Variants in SYT2 observed in about 807,000 individuals in gnomAD.
The protein encoded by SYT2 is synaptotagmin-2.
A neutral mutation model predicts 39.9 loss-of-function variants in SYT2; 15 were observed. The ratio of observed to expected loss-of-function variants is 0.38; its 90% CI spans 0.25 to 0.58. SYT2 has a LOEUF of 0.58. SYT2 is among the 20% of genes least tolerant of loss of function. The probability of loss-of-function intolerance (pLI) is 0.70; values close to 1 mark genes in which losing one functional copy is unlikely to be tolerated. For synonymous variants in SYT2, 181 were observed against 204.5 expected, an observed-to-expected ratio of 0.89 and a Z score of 0.98; for missense variants, 389 against 530.3, an observed-to-expected ratio of 0.73 and a Z score of 2.62.
chr1:202,655,816 G>A (rs1209400468), intron 1 of SYT2, among the ~76,000 whole-genome samples: 1 of 152,034 alleles, frequency 6.6e-6, no homozygotes, highest in African/African-American at 2.4e-5. Context: ...CAGAAGATGT[G>A]GATCTCTGAT....
At chr1:202,640,775 AGAGAGAGAG>A (rs1691889824) in intron 1 of SYT2, among the ~76,000 whole-genome samples, 2 of 150,118 alleles carry the variant, frequency 1.3e-5, no homozygotes, top group Non-Finnish European at 3.0e-5. Flanking sequence ...AGAGAGAGAG[AGAGAGAGAG>A]AGAGAGAGAC....
At chr1:202,680,403 A>G (rs1055543986) in intron 1 of SYT2, among the ~76,000 whole-genome samples, 1 of 152,180 alleles carries the variant, frequency 6.6e-6, no homozygotes, top group Non-Finnish European at 1.5e-5. Context: ...TTGGCCAGGT[A>G]TGGAGGCTCA....
rs1553338281 is a variant in SYT2 at position 202,629,871 on chromosome 1, G to GGC, written c.-17-24083_-17-24082insGC. On this transcript the variant is annotated intron_variant, in intron 1 of 8. Coordinates refer to ENST00000367268, the MANE Select transcript of SYT2 (RefSeq NM_177402.5). ...CCATACCCAGCAGGCAGCTGGTGGG[G>GGC]GGGGGGGGGTGGTACGGCAGGTGTG... 6.4e-5 allele frequency among the ~76,000 whole-genome samples: 8 copies of GGC among 124,912 alleles called. 2 individuals carry two copies. Among genetic ancestry groups the GGC allele is most frequent in the Non-Finnish European group, 1.8e-5 (1 of 55,938 alleles). 81.9% of individuals were successfully genotyped at this position (124,912 alleles called of 152,430 possible).
chr1:202,673,564 C>T (rs1179802276), intron 1 of SYT2, among the ~76,000 whole-genome samples: 33 of 152,204 alleles, frequency 2.2e-4, no homozygotes, highest in Admixed American at 2.2e-3. Context: ...TCACCCACAT[C>T]CTTAGGTCCC....
chr1:202,615,267 C>G (rs986384598), intron 1 of SYT2, among the ~76,000 whole-genome samples: 1 of 152,176 alleles, frequency 6.6e-6, no homozygotes, highest in East Asian at 1.9e-4. Context: ...TAGAAGATGC[C>G]TGAGGAGGCT....
chr1:202,634,895 G>A (rs894204750), intron 1 of SYT2, among the ~76,000 whole-genome samples: 1 of 152,136 alleles, frequency 6.6e-6, no homozygotes, highest in Non-Finnish European at 1.5e-5. Context: ...AGAATCGAGG[G>A]TGACTGTTAA....
At chr1:202,682,219 C>T (rs565773910) in intron 1 of SYT2, among the ~76,000 whole-genome samples, 2 of 152,172 alleles carry the variant, frequency 1.3e-5, no homozygotes, top group Non-Finnish European at 2.9e-5. Flanking sequence ...CAAGGGAGCA[C>T]GTTGGCTGAC....
chr1:202,643,795 C>A (rs1475781149), intron 1 of SYT2, among the ~76,000 whole-genome samples: 3 of 152,102 alleles, frequency 2.0e-5, no homozygotes, highest in Non-Finnish European at 2.9e-5. Flanking sequence ...CGGCTCCGAG[C>A]CCCCGGAGCC....
intron 1 of SYT2, among the ~76,000 whole-genome samples, chr1:202,659,254 G>T (rs577740706): frequency 2.0e-5 from 3 of 152,098 alleles, no homozygotes; most frequent in Non-Finnish European, 4.4e-5. Flanking sequence ...TCTGATCTTG[G>T]GTTTCATTTT....
At chr1:202,629,781 A>G (rs1478781369) in intron 1 of SYT2, among the ~76,000 whole-genome samples, 1 of 148,350 alleles carries the variant, frequency 6.7e-6, no homozygotes, top group Non-Finnish European at 1.5e-5. Context: ...AGGTGGGAGA[A>G]TCACTGGAGC....
chr1:202,695,196 ACAAG>A (rs1186700830), intron 1 of SYT2, among the ~76,000 whole-genome samples: 1 of 152,210 alleles, frequency 6.6e-6, no homozygotes, highest in Non-Finnish European at 1.5e-5. Context: ...GCAGACAGAC[ACAAG>A]CATTAATGCA....
intron 1 of SYT2, among the ~76,000 whole-genome samples, chr1:202,611,217 T>G (rs1393042102): frequency 2.0e-5 from 3 of 152,264 alleles, no homozygotes; most frequent in Non-Finnish European, 4.4e-5. Context: ...TTGGTCATCT[T>G]AAAATATTTT....
At chr1:202,596,990 G>A (rs1690321724) in intron 8 of SYT2, 27 bp from the exon 9 acceptor site, 1 of 1,602,096 alleles carries the variant, frequency 6.2e-7, no homozygotes, top group African/African-American at 1.3e-5. Context: ...GGAGGGAGTT[G>A]GCAGACAGAG....
At position 202,601,124 on chromosome 1, in the gene SYT2, T is replaced by C. The variant is rs1314390273; in HGVS notation, c.802-650A>G. 2.0e-5 allele frequency among the ~76,000 whole-genome samples: 3 copies of C among 152,128 alleles called. No individual in the cohort carries two copies. The highest frequency in any genetic ancestry group is 6.5e-5 in the Admixed American group (1 of 15,278). On this transcript the variant is annotated intron_variant, in intron 6 of 8. Coordinates refer to ENST00000367268, the MANE Select transcript of SYT2 (RefSeq NM_177402.5). This position sits in a 1 kb window ranked among gnomAD's most constrained non-coding sequence, Gnocchi z 4.0. ...GGTTTGCTCAAAGTCACACAACAATTTAGCACTGTAGGCAGGCTGAGGACC... is the reference window on the plus strand; with the variant it reads ...GGTTTGCTCAAAGTCACACAACAATCTAGCACTGTAGGCAGGCTGAGGACC...
chr1:202,659,191 T>G (rs1388233200), intron 1 of SYT2, among the ~76,000 whole-genome samples: 10 of 152,074 alleles, frequency 6.6e-5, no homozygotes. Flanking sequence ...CCCTCCCCTT[T>G]CCCAATGCAC....
At chr1:202,597,034 C>A in intron 8 of SYT2, 71 bp from the exon 9 acceptor site, 1 of 1,354,392 alleles carries the variant, frequency 7.4e-7, no homozygotes, top group Non-Finnish European at 1.0e-6. Context: ...TATCCTCCAT[C>A]AACCTCTACT....
chr1:202,602,579 C>T (rs1196550085), intron 4 of SYT2, 34 bp from the exon 5 acceptor site: 1 of 1,583,816 alleles, frequency 6.3e-7, no homozygotes, highest in South Asian at 1.2e-5. Flanking sequence ...GGGCCTGAGT[C>T]TCAGGACTGC....
At position 202,651,024 on chromosome 1, in the gene SYT2, C is replaced by T. The variant is rs1326239380; in HGVS notation, c.-17-45235G>A. On this transcript the variant is annotated intron_variant, in intron 1 of 8. Transcript: ENST00000367268. The stretch of plus-strand genomic sequence containing the variant: ...TGGGAGGGGCATTGGAGCCTGGATG[C>T]GAAGGGCCTTGCAAGCCAGGCTAAG... Among the ~76,000 whole-genome samples, 5 of 152,008 alleles carry T rather than the reference C, an allele frequency of 3.3e-5. No individual in the cohort carries two copies. The East Asian group carries it at 5.8e-4, about 18-fold the overall frequency.
At chr1:202,612,944 A>G (rs1309528448) in intron 1 of SYT2, among the ~76,000 whole-genome samples, 2 of 151,862 alleles carry the variant, frequency 1.3e-5, no homozygotes, top group African/African-American at 4.8e-5. Context: ...TTTTGATGTC[A>G]TTATAAATGG....
Sources: gnomAD v4.1 joint callset for allele counts (sites outside exome capture counted in the v4.1 genomes callset) on GRCh38, gnomAD v4.1.1 for gene constraint, Gnocchi (gnomAD v3.1) non-coding constraint, MANE v1.5 for transcripts, NCBI Gene and HGNC (gene_info 2026-07-23, HGNC 2026-07-21) for gene names.